The following RAB10 variants were observed in gnomAD, a reference collection of about 807,000 sequenced individuals.
RAB10 encodes the protein ras-related protein Rab-10.
Under a neutral mutation model 25.7 loss-of-function variants are expected in RAB10, and 5 were observed. The ratio of observed to expected loss-of-function variants is 0.19; its 90% confidence interval spans 0.10 to 0.41. RAB10 has a LOEUF of 0.41. Among genes scored for constraint, RAB10 ranks in the 10% least tolerant of loss-of-function variants. The pLI is 1.00. For missense variants in RAB10, 103 were observed against 245.8 expected (o/e 0.42, Z 3.89); for synonymous variants, 89 against 86.4 (o/e 1.03, Z -0.16).
At chr2:26,080,718 A>G (rs1666851058) in intron 1 of RAB10, among the ~76,000 whole-genome samples, 1 of 151,992 alleles carries the variant, frequency 6.6e-6, no homozygotes, top group South Asian at 2.1e-4. Flanking sequence ...GGATCTTGCT[A>G]TATGTTGTTG....
At position 26,056,486 on chromosome 2, in the gene RAB10, C is replaced by T. The variant is rs555773191; in HGVS notation, c.127+21751C>T. ...TGCTGGGATTACAGGTGTGAGTCAC[C>T]GAGCCTGGCCCTTTGTTTTAAGATG... On this transcript the variant is annotated intron_variant, in intron 1 of 5. Coordinates refer to ENST00000264710, the MANE Select transcript of RAB10 (RefSeq NM_016131.5). Among the ~76,000 whole-genome samples, 5 of 152,160 alleles carry T rather than the reference C, an allele frequency of 3.3e-5. No individual in the cohort carries two copies. The East Asian group carries it at 7.7e-4, about 24-fold the overall frequency.
intron 1 of RAB10, among the ~76,000 whole-genome samples, chr2:26,037,846 C>T (rs1665797033): frequency 6.6e-6 from 1 of 151,976 alleles, no homozygotes; most frequent in Admixed American, 6.6e-5. Context: ...GAACATCCTG[C>T]ACACCGTGGT....
At chr2:26,075,031 G>T (rs1472646702) in intron 1 of RAB10, among the ~76,000 whole-genome samples, 1 of 152,156 alleles carries the variant, frequency 6.6e-6, no homozygotes, top group East Asian at 1.9e-4. Flanking sequence ...CACATTTCTT[G>T]GGAGTAGAAA....
At chr2:26,096,665 C>A (rs981699705) in intron 1 of RAB10, among the ~76,000 whole-genome samples, 6 of 152,012 alleles carry the variant, frequency 3.9e-5, no homozygotes, top group African/African-American at 1.5e-4. Context: ...TGGTATTTGA[C>A]CCCTTCTGAA....
chr2:26,104,496 A>G (rs1667428239), intron 2 of RAB10, among the ~76,000 whole-genome samples: 1 of 152,184 alleles, frequency 6.6e-6, no homozygotes, highest in Non-Finnish European at 1.5e-5. Flanking sequence ...TATCAGATAC[A>G]CAAGTTTGCA....
intron 1 of RAB10, among the ~76,000 whole-genome samples, chr2:26,096,774 T>C (rs1420356570): frequency 6.6e-6 from 1 of 152,228 alleles, no homozygotes; most frequent in Non-Finnish European, 1.5e-5. Context: ...TTTAGCTGTA[T>C]CCTACAAATT....
chr2:26,038,589 A>C (rs1309932837), intron 1 of RAB10, among the ~76,000 whole-genome samples: 1 of 152,124 alleles, frequency 6.6e-6, no homozygotes, highest in Non-Finnish European at 1.5e-5. Context: ...TTCTGAGTAC[A>C]GCTTGAACAC....
At chr2:26,078,126 A>G (rs1188535634) in intron 1 of RAB10, among the ~76,000 whole-genome samples, 4 of 152,252 alleles carry the variant, frequency 2.6e-5, no homozygotes, top group Non-Finnish European at 4.4e-5. Flanking sequence ...ATTTAACACA[A>G]GAAGTATAAG....
chr2:26,057,479 C>T (rs1666294051), intron 1 of RAB10, among the ~76,000 whole-genome samples: 1 of 150,730 alleles, frequency 6.6e-6, no homozygotes, highest in African/African-American at 2.4e-5. Flanking sequence ...GGAATATTAA[C>T]ATTTAAGGTG....
In RAB10 at chr2:26,079,894, A is replaced by G. The variant is rs1280505395; in HGVS notation, c.128-18768A>G. Among the ~76,000 whole-genome samples, 3 of 152,134 alleles carry G rather than the reference A, an allele frequency of 2.0e-5. No individual in the cohort carries two copies. In the East Asian group the frequency reaches 5.8e-4, roughly 29 times the overall value. The stretch of plus-strand genomic sequence containing the variant: ...TTGCCCAGGCTGAACTCCTGGGCTC[A>G]AGCCATCCACCTGCCTCAGCCTCCC... On this transcript the variant is annotated intron_variant, in intron 1 of 5. Coordinates refer to ENST00000264710, the MANE Select transcript of RAB10 (RefSeq NM_016131.5).
At chr2:26,132,325 C>T (rs1668026632) in intron 5 of RAB10, among the ~76,000 whole-genome samples, 1 of 152,206 alleles carries the variant, frequency 6.6e-6, no homozygotes, top group Non-Finnish European at 1.5e-5. Flanking sequence ...ATGATCTCGG[C>T]TCACTGCAGC....
At chr2:26,121,087 A>AT (rs1667794701) in intron 3 of RAB10, among the ~76,000 whole-genome samples, 1 of 150,812 alleles carries the variant, frequency 6.6e-6, no homozygotes, top group African/African-American at 2.4e-5. Context: ...AATTTTAGTA[A>AT]TTTTAGTAGA....
chr2:26,069,935 G>C (rs1177207698), intron 1 of RAB10, among the ~76,000 whole-genome samples: 1 of 152,112 alleles, frequency 6.6e-6, no homozygotes, highest in Non-Finnish European at 1.5e-5. Context: ...TCGAGCTCCT[G>C]ACCTCAAGTG....
chr2:26,047,353 C>T (rs1199174807), intron 1 of RAB10, among the ~76,000 whole-genome samples: 1 of 150,630 alleles, frequency 6.6e-6, no homozygotes, highest in African/African-American at 2.5e-5. Context: ...CCCCACCCCC[C>T]AACTCAGCAT....
intron 2 of RAB10, among the ~76,000 whole-genome samples, chr2:26,099,741 A>G (rs1667304766): frequency 6.6e-6 from 1 of 151,088 alleles, no homozygotes; most frequent in Non-Finnish European, 1.5e-5. Context: ...ACGGGATTTC[A>G]CTGTATTAGC....
At chr2:26,132,858 C>G (rs148667021) in intron 5 of RAB10, among the ~76,000 whole-genome samples, 1 of 144,804 alleles carries the variant, frequency 6.9e-6, no homozygotes, top group Non-Finnish European at 1.5e-5. Flanking sequence ...TTGTCTTTAA[C>G]CTGACTCATA....
intron 1 of RAB10, among the ~76,000 whole-genome samples, chr2:26,038,840 T>C (rs1486582839): frequency 1.3e-5 from 2 of 148,398 alleles, no homozygotes; most frequent in Non-Finnish European, 3.0e-5. Context: ...GGGAATGGCA[T>C]GAACCCAGAA....
At chr2:26,066,552 C>G (rs1666515221) in intron 1 of RAB10, among the ~76,000 whole-genome samples, 1 of 152,102 alleles carries the variant, frequency 6.6e-6, no homozygotes, top group African/African-American at 2.4e-5. Flanking sequence ...AGGAAACTTA[C>G]AGTCATGGTG....
intron 1 of RAB10, among the ~76,000 whole-genome samples, chr2:26,053,015 T>TG (rs1296064187): frequency 6.6e-6 from 1 of 152,218 alleles, no homozygotes; most frequent in Non-Finnish European, 1.5e-5. Context: ...TGGTTACAGT[T>TG]GCAATGTCTA....
Sources: allele counts gnomAD v4.1 joint callset (sites outside exome capture counted in the v4.1 genomes callset), GRCh38; gene constraint gnomAD v4.1.1; transcripts MANE v1.5; gene names NCBI Gene and HGNC (gene_info 2026-07-23, HGNC 2026-07-21).